Variants in NKAIN2 observed in about 807,000 individuals in gnomAD.
NKAIN2 encodes sodium/potassium-transporting ATPase subunit beta-1-interacting protein 2.
NKAIN2 carries 14 observed loss-of-function variants against 32.6 expected under a neutral mutation model. That is an observed-to-expected ratio of 0.43 (90% confidence interval 0.28 to 0.67). NKAIN2 has a LOEUF of 0.67. Among genes scored for constraint, NKAIN2 ranks in the 30% least tolerant of loss-of-function variants. NKAIN2 has a pLI of 0.17. For missense variants in NKAIN2, 198 were observed against 258.3 expected (o/e 0.77, Z 1.60); for synonymous variants, 80 against 87.2 (o/e 0.92, Z 0.46).
chr6:123,822,616 C>T (rs1773973200), intron 1 of NKAIN2, among the ~76,000 whole-genome samples: 1 of 152,104 alleles, frequency 6.6e-6, no homozygotes, highest in African/African-American at 2.4e-5. Flanking sequence ...TTATGAGAGA[C>T]ATGATCCTCC....
At chr6:124,608,119 C>G (rs1262615602) in intron 3 of NKAIN2, among the ~76,000 whole-genome samples, 3 of 152,152 alleles carry the variant, frequency 2.0e-5, no homozygotes, top group African/African-American at 7.2e-5. Flanking sequence ...ATCTTGCTCA[C>G]AAACCGAAGC....
intron 1 of NKAIN2, among the ~76,000 whole-genome samples, chr6:123,933,109 A>G (rs1776332378): frequency 6.6e-6 from 1 of 152,230 alleles, no homozygotes; most frequent in Non-Finnish European, 1.5e-5. Context: ...TGCAGGGCCC[A>G]GTGAAGAATG....
chr6:124,734,228 A>C (rs891983026), intron 4 of NKAIN2, among the ~76,000 whole-genome samples: 44 of 151,870 alleles, frequency 2.9e-4, no homozygotes, highest in African/African-American at 1.0e-3. Context: ...ATTCATATCC[A>C]ACAAGTATGT....
intron 3 of NKAIN2, among the ~76,000 whole-genome samples, chr6:124,565,845 A>C (rs1308548447): frequency 6.6e-6 from 1 of 152,192 alleles, no homozygotes; most frequent in Non-Finnish European, 1.5e-5. Flanking sequence ...AAGGATGGGA[A>C]GTGTTTCTAA....
At chr6:124,734,874 T>C (rs1332874229) in intron 4 of NKAIN2, among the ~76,000 whole-genome samples, 1 of 151,894 alleles carries the variant, frequency 6.6e-6, no homozygotes, top group Non-Finnish European at 1.5e-5. Context: ...AGCATGTGCT[T>C]AATACATTTT....
At chr6:124,787,975 C>T (rs1779576935) in intron 4 of NKAIN2, among the ~76,000 whole-genome samples, 1 of 152,000 alleles carries the variant, frequency 6.6e-6, no homozygotes, top group Non-Finnish European at 1.5e-5. Context: ...AATGCTCTTC[C>T]AAGGGTGTTT....
intron 1 of NKAIN2, among the ~76,000 whole-genome samples, chr6:124,232,916 A>G (rs1321425208): frequency 6.6e-6 from 1 of 152,190 alleles, no homozygotes; most frequent in Non-Finnish European, 1.5e-5. Flanking sequence ...ATGAAAACTT[A>G]TGTTATTCGG....
chr6:124,656,270 T>G (rs1482098396), intron 3 of NKAIN2, among the ~76,000 whole-genome samples: 1 of 152,192 alleles, frequency 6.6e-6, no homozygotes, highest in Non-Finnish European at 1.5e-5. Flanking sequence ...AAAGTCACTA[T>G]AGTTTCCAAA....
chr6:124,291,410 T>G (rs1484822117), intron 2 of NKAIN2, among the ~76,000 whole-genome samples: 1 of 152,076 alleles, frequency 6.6e-6, no homozygotes. Context: ...AAAATCATAT[T>G]CAATGTATGG....
chr6:124,435,991 G>A (rs973758922), intron 3 of NKAIN2, among the ~76,000 whole-genome samples: 6 of 151,984 alleles, frequency 3.9e-5, no homozygotes, highest in Non-Finnish European at 7.4e-5. Flanking sequence ...CTCTACGGAC[G>A]AAATATTCAC....
chr6:124,813,211 A>G (rs1485570571), intron 5 of NKAIN2, among the ~76,000 whole-genome samples: 1 of 152,142 alleles, frequency 6.6e-6, no homozygotes, highest in Non-Finnish European at 1.5e-5. Flanking sequence ...CCGAAATACC[A>G]CATTGGCAAC....
intron 2 of NKAIN2, among the ~76,000 whole-genome samples, chr6:124,289,028 G>A (rs1202463223): frequency 6.6e-6 from 1 of 152,072 alleles, no homozygotes; most frequent in African/African-American, 2.4e-5. Context: ...ATTTGATGAA[G>A]CAAGTCATCA....
At chr6:124,059,108 A>C (rs1372382665) in intron 1 of NKAIN2, among the ~76,000 whole-genome samples, 2 of 152,092 alleles carry the variant, frequency 1.3e-5, no homozygotes, top group Non-Finnish European at 2.9e-5. Context: ...AAAAAAACTG[A>C]CAAAGAAAAG....
intron 4 of NKAIN2, among the ~76,000 whole-genome samples, chr6:124,778,127 A>C (rs996289750): frequency 6.6e-6 from 1 of 152,118 alleles, no homozygotes; most frequent in Non-Finnish European, 1.5e-5. Context: ...TAAAGGCAAG[A>C]AAAAAATGCA....
intron 1 of NKAIN2, among the ~76,000 whole-genome samples, chr6:124,221,586 C>T (rs914450990): frequency 2.0e-5 from 3 of 151,788 alleles, no homozygotes; most frequent in Non-Finnish European, 4.4e-5. Context: ...AGAAATAAAA[C>T]GATAATTAAG....
intron 1 of NKAIN2, among the ~76,000 whole-genome samples, chr6:124,165,321 A>T (rs1298235870): frequency 6.6e-6 from 1 of 152,092 alleles, no homozygotes; most frequent in East Asian, 1.9e-4. Flanking sequence ...GCTTAATAAA[A>T]TGTTGCTAAT....
intron 3 of NKAIN2, among the ~76,000 whole-genome samples, chr6:124,630,529 A>T (rs182316826): frequency 6.6e-6 from 1 of 152,288 alleles, no homozygotes; most frequent in East Asian, 1.9e-4. Flanking sequence ...ACTCACTCAT[A>T]GTCTTTTACT....
chr6:124,129,692 A>T (rs773445369), intron 1 of NKAIN2, among the ~76,000 whole-genome samples: 12 of 151,956 alleles, frequency 7.9e-5, no homozygotes, highest in Non-Finnish European at 1.5e-4. Flanking sequence ...ATCTCAGTTC[A>T]CTGCACCCTC....
intron 3 of NKAIN2, among the ~76,000 whole-genome samples, chr6:124,535,366 T>G (rs888125777): frequency 6.6e-6 from 1 of 152,236 alleles, no homozygotes; most frequent in African/African-American, 2.4e-5. Context: ...AAATTTGTAG[T>G]TCAATTTACT....
Sources: gnomAD v4.1 joint callset for allele counts (sites outside exome capture counted in the v4.1 genomes callset) on GRCh38, gnomAD v4.1.1 for gene constraint, MANE v1.5 for transcripts, NCBI Gene and HGNC (gene_info 2026-07-23, HGNC 2026-07-21) for gene names.